R3HDM1: variants seen among roughly 807,000 people sequenced by gnomAD.
R3HDM1 encodes the protein R3H domain-containing protein 1.
Under a neutral mutation model 141.1 loss-of-function variants are expected in R3HDM1, and 46 were observed. The ratio of observed to expected loss-of-function variants is 0.33; its 90% CI spans 0.26 to 0.42. R3HDM1 has a LOEUF of 0.42. R3HDM1 is among the 10% of genes least tolerant of loss of function. The pLI, the probability that R3HDM1 is intolerant of heterozygous loss-of-function variation, is 1.00. For synonymous variants in R3HDM1, 435 were observed against 472.9 expected, an observed-to-expected ratio of 0.92 and a Z score of 1.04; for missense variants, 1,184 against 1,368.3, an observed-to-expected ratio of 0.87 and a Z score of 2.12.
chr2:135,631,104 G>A (rs1277862908), intron 7 of R3HDM1, among the ~76,000 whole-genome samples: 2 of 151,966 alleles, frequency 1.3e-5, no homozygotes, highest in Non-Finnish European at 2.9e-5. Context: ...CTAAATTAGC[G>A]ATATAATTAA....
At chr2:135,662,021 A>G (rs2066785109) in intron 19 of R3HDM1, among the ~76,000 whole-genome samples, 1 of 152,224 alleles carries the variant, frequency 6.6e-6, no homozygotes, top group Admixed American at 6.5e-5. Context: ...CAGTGAAAAC[A>G]ATTTTGATCT....
intron 9 of R3HDM1, among the ~76,000 whole-genome samples, chr2:135,633,551 T>C (rs1462230128): frequency 6.6e-6 from 1 of 152,190 alleles, no homozygotes; most frequent in Non-Finnish European, 1.5e-5. Context: ...AATAATATAA[T>C]TATAATCAGA....
At chr2:135,715,842 A>G (rs1451121856) in intron 24 of R3HDM1, 148 bp downstream of exon 24, 14 of 904,456 alleles carry the variant, frequency 1.5e-5, no homozygotes, top group African/African-American at 3.4e-5. Flanking sequence ...TTGTGACCAT[A>G]TACCCTCCTA....
chr2:135,618,268 A>C (rs1401412498), intron 5 of R3HDM1, among the ~76,000 whole-genome samples: 2 of 150,158 alleles, frequency 1.3e-5, no homozygotes, highest in Non-Finnish European at 3.0e-5. Flanking sequence ...GGTTCAAGCC[A>C]TTCTGCCTCA....
chr2:135,562,040 A>G (rs1361523354), intron 1 of R3HDM1, among the ~76,000 whole-genome samples: 2 of 152,232 alleles, frequency 1.3e-5, no homozygotes, highest in Non-Finnish European at 2.9e-5. Context: ...GAATGTCTCA[A>G]CAAAAGTCTA....
chr2:135,592,556 G>A (rs1356478933), intron 1 of R3HDM1, among the ~76,000 whole-genome samples: 1 of 151,908 alleles, frequency 6.6e-6, no homozygotes, highest in Non-Finnish European at 1.5e-5. Context: ...ATCCAGTATG[G>A]AAACAAACAA....
At chr2:135,669,233 TTCCTC>T in intron 19 of R3HDM1, 2 of 985,420 alleles carry the variant, frequency 2.0e-6, no homozygotes, top group South Asian at 9.4e-5. Flanking sequence ...GGAAGGACTG[TTCCTC>T]CCACAGAGAG....
chr2:135,614,309 A>T (rs899736456), intron 3 of R3HDM1, among the ~76,000 whole-genome samples: 8 of 152,190 alleles, frequency 5.3e-5, no homozygotes, highest in South Asian at 2.1e-4. Flanking sequence ...ACTTTTTTTT[A>T]AATTAGCATT....
intron 1 of R3HDM1, among the ~76,000 whole-genome samples, chr2:135,538,902 C>A (rs1450224772): frequency 2.0e-5 from 3 of 151,762 alleles, no homozygotes; most frequent in Non-Finnish European, 4.4e-5. Context: ...ACGTGAGCCA[C>A]CACGCCTGGC....
intron 1 of R3HDM1, among the ~76,000 whole-genome samples, chr2:135,552,752 G>T (rs1022388261): frequency 1.4e-4 from 22 of 152,306 alleles, no homozygotes; most frequent in African/African-American, 5.3e-4. Flanking sequence ...TCACTGTAAT[G>T]ACTTGAAAAA....
At chr2:135,543,173 A>T (rs1242041566) in intron 1 of R3HDM1, 1 of 740,714 alleles carries the variant, frequency 1.4e-6, no homozygotes, top group East Asian at 1.3e-4. Flanking sequence ...AGGGGTTCAG[A>T]TTTATTTTTA....
chr2:135,709,333 A>T (rs1039106062), intron 21 of R3HDM1, 100 bp from the exon 22 acceptor site: 1 of 1,506,854 alleles, frequency 6.6e-7, no homozygotes, highest in Non-Finnish European at 8.9e-7. Context: ...TTGGCCTCCC[A>T]AAGTGCTGGG....
In R3HDM1 at chr2:135,724,572, T is replaced by C. The variant is rs1234953477; in HGVS notation, c.*280T>C. ...TAACTTTTATAGTTATTTTGTTTTATATTTCTAAATTCTTGTATCAGATCC... is the reference window on the plus strand; with the variant it reads ...TAACTTTTATAGTTATTTTGTTTTACATTTCTAAATTCTTGTATCAGATCC... On this transcript the variant is annotated 3_prime_UTR_variant, in exon 27 of 27. Transcript: ENST00000683871. 12 of 293,056 alleles carry C rather than the reference T, an allele frequency of 4.1e-5. No individual in the cohort carries two copies. Among genetic ancestry groups the C allele is most frequent in the Non-Finnish European group, 6.3e-5 (10 of 159,380 alleles). 18.2% of individuals were successfully genotyped at this position (293,056 alleles called of 1,614,324 possible). A position where few individuals can be genotyped will look rare whatever the true frequency, so the allele number is the denominator to read the frequency against.
intron 20 of R3HDM1, among the ~76,000 whole-genome samples, chr2:135,679,066 CTTTTTTTTTTTT>C (rs141175748): frequency 5.7e-5 from 4 of 70,590 alleles, no homozygotes; most frequent in South Asian, 6.0e-4. Context: ...GCCCGGCTTT[CTTTTTTTTTTTT>C]TTTTTTTTTT....
At chr2:135,705,985 C>T (rs540130266) in intron 21 of R3HDM1, among the ~76,000 whole-genome samples, 5 of 152,038 alleles carry the variant, frequency 3.3e-5, no homozygotes, top group Admixed American at 6.6e-5. Context: ...AAAAATTAGC[C>T]GGGCGTGGTG....
intron 1 of R3HDM1, among the ~76,000 whole-genome samples, chr2:135,532,085 G>A (rs1694950705): frequency 6.6e-6 from 1 of 152,210 alleles, no homozygotes; most frequent in East Asian, 1.9e-4. Flanking sequence ...CAAGAGCGTG[G>A]TACTGCTCTC....
At chr2:135,543,748 C>T (rs2104904138) in intron 1 of R3HDM1, among the ~76,000 whole-genome samples, 1 of 152,266 alleles carries the variant, frequency 6.6e-6, no homozygotes, top group South Asian at 2.1e-4. Context: ...AAGAAGATGG[C>T]TGGGTTCACA....
intron 4 of R3HDM1, 72 bp from the exon 5 acceptor site, chr2:135,616,594 ACT>A: frequency 4.8e-6 from 6 of 1,249,662 alleles, no homozygotes. Context: ...AAACTTAGAA[ACT>A]CTTTCTAGGG....
At chr2:135,706,754 T>G (rs1274367617) in intron 21 of R3HDM1, among the ~76,000 whole-genome samples, 2 of 152,226 alleles carry the variant, frequency 1.3e-5, no homozygotes, top group African/African-American at 4.8e-5. Flanking sequence ...TAGAACAAAA[T>G]GAAAAGTCTC....
Sources: gnomAD v4.1 joint callset for allele counts (sites outside exome capture counted in the v4.1 genomes callset) on GRCh38, gnomAD v4.1.1 for gene constraint, MANE v1.5 for transcripts, NCBI Gene and HGNC (gene_info 2026-07-23, HGNC 2026-07-21) for gene names.